DCDC2C: variants seen among roughly 807,000 people sequenced by gnomAD.
DCDC2C encodes doublecortin domain-containing protein 2C.
A neutral mutation model predicts 45.0 loss-of-function variants in DCDC2C; 44 were observed. That is an observed-to-expected ratio of 0.98 (90% CI 0.77 to 1.26). The LOEUF (loss-of-function observed/expected upper bound fraction) is 1.26. Among genes scored for constraint, DCDC2C ranks in the 50% most tolerant of loss-of-function variants. The pLI is 0.00. For missense variants in DCDC2C, 447 were observed against 468.9 expected (o/e 0.95, Z 0.43); for synonymous variants, 187 against 178.8 (o/e 1.05, Z -0.37).
At position 3,805,538 on chromosome 2, in the gene DCDC2C, A is replaced by C. The variant is rs564424535; in HGVS notation, c.1065+20438A>C. 6.7e-4 allele frequency among the ~76,000 whole-genome samples: 102 copies of C among 152,344 alleles called. 1 individual carries two copies. The highest frequency in any genetic ancestry group is 2.4e-3 in the African/African-American group (101 of 41,576). On this transcript the variant is annotated intron_variant, in intron 10 of 10. Transcript: ENST00000399143. ...CTTGCATCAGCTGCAGTGACCCTTG[A>C]AAAAACAGCAACAAATAATGTGTCA... is the stretch of plus-strand genomic sequence containing the variant.
intron 9 of DCDC2C, among the ~76,000 whole-genome samples, chr2:3,783,545 G>A (rs1441531861): frequency 2.0e-5 from 3 of 152,380 alleles, no homozygotes; most frequent in East Asian, 1.9e-4. Context: ...TCTCTTCTGA[G>A]TGACTTACAT....
At position 3,823,419 on chromosome 2, in the gene DCDC2C, T is replaced by C. The variant is rs559703026; in HGVS notation, c.1066-23735T>C. On this transcript the variant is annotated intron_variant, in intron 10 of 10. Transcript: ENST00000399143. ...GGTTTATCCTGAGTAATGTTCTCTATGCACTTGAGAAGAATACACATTCTG... is the reference window on the plus strand; with the variant it reads ...GGTTTATCCTGAGTAATGTTCTCTACGCACTTGAGAAGAATACACATTCTG... Among the ~76,000 whole-genome samples, 12 of 152,356 alleles carry C rather than the reference T, an allele frequency of 7.9e-5. No individual in the cohort carries two copies. In the East Asian group the frequency reaches 1.9e-3, roughly 24 times the overall value.
chr2:3,704,289 C>A, intron 1 of DCDC2C: 1 of 366,620 alleles, frequency 2.7e-6, no homozygotes, highest in Non-Finnish European at 4.8e-6. Flanking sequence ...TGGCCGGCAG[C>A]GATTCAGGAC....
chr2:3,713,435 C>T (rs1668271562), intron 2 of DCDC2C, among the ~76,000 whole-genome samples: 2 of 152,244 alleles, frequency 1.3e-5, no homozygotes, highest in African/African-American at 2.4e-5. Flanking sequence ...TGAGGGCCTT[C>T]CCCCCTCTGC....
At chr2:3,824,628 A>T (rs80073334) in intron 10 of DCDC2C, among the ~76,000 whole-genome samples, 16,655 of 152,120 alleles carry the variant, frequency 0.11, 1,095 homozygotes, top group East Asian at 0.29. Context: ...CTTTCTGCTT[A>T]GGGTTGGGGC....
intron 3 of DCDC2C, among the ~76,000 whole-genome samples, chr2:3,728,166 A>G (rs1321440192): frequency 6.6e-6 from 1 of 152,192 alleles, no homozygotes; most frequent in Non-Finnish European, 1.5e-5. Flanking sequence ...GAGGCTGGAA[A>G]CTGCCTGATT....
At position 3,847,289 on chromosome 2, in the gene DCDC2C, C is replaced by A. The variant is rs1048892439; in HGVS notation, c.*106C>A. On this transcript the variant is annotated 3_prime_UTR_variant, in exon 11 of 11. Coordinates refer to ENST00000399143, the MANE Select transcript of DCDC2C (RefSeq NM_001287444.2). ...CAAGAAAATCACATGTGGGGTGAAA[C>A]TAAAGCCCCACACAGTGGTGTCTTC... 2.6e-6 allele frequency: 2 copies of A among 779,214 alleles called. No individual in the cohort carries two copies. Among genetic ancestry groups the A allele is most frequent in the Non-Finnish European group, 3.5e-6 (2 of 575,252 alleles). The allele number at this position is 779,214 out of a possible 1,614,324, so 48.3% of individuals were successfully genotyped here.
intron 3 of DCDC2C, among the ~76,000 whole-genome samples, chr2:3,739,684 A>G (rs1215054780): frequency 6.6e-6 from 1 of 152,258 alleles, no homozygotes; most frequent in African/African-American, 2.4e-5. Context: ...CGTCCACTCA[A>G]TAAAACCTTG....
intron 10 of DCDC2C, among the ~76,000 whole-genome samples, chr2:3,846,224 T>C (rs1672326146): frequency 6.6e-6 from 1 of 151,276 alleles, no homozygotes; most frequent in South Asian, 2.1e-4. Context: ...TTCTTCCCTC[T>C]TCTTCTCTCC....
At chr2:3,760,727 A>G (rs534155585) in intron 6 of DCDC2C, among the ~76,000 whole-genome samples, 1 of 152,234 alleles carries the variant, frequency 6.6e-6, no homozygotes, top group East Asian at 1.9e-4. Context: ...TACCTAATGC[A>G]TGCGGGGCTT....
chr2:3,827,899 T>C (rs1671865646), intron 10 of DCDC2C, among the ~76,000 whole-genome samples: 1 of 152,184 alleles, frequency 6.6e-6, no homozygotes, highest in Admixed American at 6.5e-5. Flanking sequence ...TTTTAGAATG[T>C]GGGTCTCTTC....
intron 10 of DCDC2C, among the ~76,000 whole-genome samples, chr2:3,788,801 C>T (rs1572618771): frequency 6.9e-5 from 6 of 86,602 alleles, no homozygotes; most frequent in African/African-American, 2.3e-4. Context: ...TCCCTTCCTT[C>T]CCTCCCTTCC....
rs1244445055 is a variant in DCDC2C at position 3,725,750 on chromosome 2, AC to A, written c.340-1252del. ...CTGGCCAGGTGGATCCCGGAGAGAG[AC>A]TGCCAGAGAGTGATGAGGGTGGCCA... On this transcript the variant is annotated intron_variant, in intron 2 of 10. Transcript: ENST00000399143. Among the ~76,000 whole-genome samples the A allele has an allele frequency of 4.0e-3, 195 of 48,806 alleles. 1 individual carries two copies. Among genetic ancestry groups the A allele is most frequent in the African/African-American group, 6.7e-3 (91 of 13,574 alleles). The allele number at this position is 48,806 out of a possible 152,430, so 32.0% of individuals were successfully genotyped here. A position where few individuals can be genotyped will look rare whatever the true frequency, so the allele number is the denominator to read the frequency against.
chr2:3,846,670 A>G (rs1442003870), intron 10 of DCDC2C, among the ~76,000 whole-genome samples: 1 of 152,228 alleles, frequency 6.6e-6, no homozygotes, highest in Non-Finnish European at 1.5e-5. Flanking sequence ...GCTTAGTTTT[A>G]GAGTGGTCTT....
intron 3 of DCDC2C, among the ~76,000 whole-genome samples, chr2:3,738,637 G>C (rs1176393695): frequency 1.3e-5 from 2 of 149,914 alleles, no homozygotes; most frequent in East Asian, 2.0e-4. Context: ...GCAGTTTCTG[G>C]TCTCTTTCTA....
chr2:3,813,071 T>A (rs75024942), intron 10 of DCDC2C, among the ~76,000 whole-genome samples: 1,103 of 90,802 alleles, frequency 0.012, 11 homozygotes, highest in Non-Finnish European at 0.017. Context: ...ATATATATTT[T>A]TTTTTTTTTG....
intron 10 of DCDC2C, among the ~76,000 whole-genome samples, chr2:3,811,620 A>G (rs1186544176): frequency 2.0e-5 from 3 of 152,144 alleles, no homozygotes; most frequent in Non-Finnish European, 4.4e-5. Flanking sequence ...TACTATATTG[A>G]ATAGAAGTGG....
At chr2:3,845,012 T>G (rs777754081) in intron 10 of DCDC2C, among the ~76,000 whole-genome samples, 1 of 152,242 alleles carries the variant, frequency 6.6e-6, no homozygotes, top group Non-Finnish European at 1.5e-5. Flanking sequence ...TGTACATGCA[T>G]TTGCCGATAT....
At chr2:3,710,568 G>A (rs1668178142) in intron 2 of DCDC2C, among the ~76,000 whole-genome samples, 2 of 152,148 alleles carry the variant, frequency 1.3e-5, no homozygotes, top group African/African-American at 2.4e-5. Flanking sequence ...TAATTTATTC[G>A]GTCACCCAGG....
Sources: gnomAD v4.1 joint callset for allele counts (sites outside exome capture counted in the v4.1 genomes callset) on GRCh38, gnomAD v4.1.1 for gene constraint, MANE v1.5 for transcripts, NCBI Gene and HGNC (gene_info 2026-07-23, HGNC 2026-07-21) for gene names.